The following CAST variants were observed in gnomAD, a reference collection of about 807,000 sequenced individuals.
CAST encodes the protein calpastatin.
In CAST, 76 loss-of-function variants were observed where a neutral mutation model predicts 119.6. The ratio of observed to expected loss-of-function variants is 0.64; its 90% CI spans 0.53 to 0.77. The LOEUF (loss-of-function observed/expected upper bound fraction) is 0.77, where lower values mean the gene tolerates loss of function less well. CAST is among the 30% of genes least tolerant of loss of function. CAST has a pLI of 0.00. For missense variants in CAST, 953 were observed against 946.5 expected (o/e 1.01, Z -0.09); for synonymous variants, 319 against 331.6 (o/e 0.96, Z 0.41).
chr5:96,536,031 G>GTT (rs533558053), intron 1 of CAST, among the ~76,000 whole-genome samples: 107 of 103,848 alleles, frequency 1.0e-3, no homozygotes, highest in African/African-American at 3.9e-3. Context: ...AATATTTAAG[G>GTT]TTTTTTTTTT....
the CAST span, among the ~76,000 whole-genome samples, chr5:96,464,667 T>C: frequency 6.6e-6 from 1 of 152,070 alleles, no homozygotes; most frequent in African/African-American, 2.4e-5. Context: ...AATTTCCTTT[T>C]TCAAATGGCA....
the CAST span, chr5:96,429,238 G>A: frequency 6.3e-7 from 1 of 1,583,298 alleles, no homozygotes; most frequent in Non-Finnish European, 8.7e-7. Context: ...TAATCTCTTA[G>A]TGATATGAAA....
At chr5:96,441,471 G>A in the CAST span, among the ~76,000 whole-genome samples, 2 of 151,818 alleles carry the variant, frequency 1.3e-5, no homozygotes, top group East Asian at 1.9e-4. Flanking sequence ...CGGCTCACAG[G>A]GTGAACTTCA....
At chr5:96,371,457 C>T in the CAST span, among the ~76,000 whole-genome samples, 1 of 152,222 alleles carries the variant, frequency 6.6e-6, no homozygotes, top group Non-Finnish European at 1.5e-5. Flanking sequence ...TGATAGCACA[C>T]TTCCTGCCCT....
the CAST span, among the ~76,000 whole-genome samples, chr5:96,383,551 A>G: frequency 5.3e-5 from 8 of 152,136 alleles, no homozygotes; most frequent in African/African-American, 1.9e-4. Flanking sequence ...GGTTCAAGCA[A>G]TTCTCTGCCT....
chr5:96,697,175 G>GA (rs1243342568), intron 3 of CAST, among the ~76,000 whole-genome samples: 4 of 150,460 alleles, frequency 2.7e-5, no homozygotes, highest in Non-Finnish European at 5.9e-5. Context: ...TCAAAAAAAA[G>GA]AAAAAAAAAG....
chr5:96,502,510 GC>G, the CAST span, among the ~76,000 whole-genome samples: 2 of 151,636 alleles, frequency 1.3e-5, no homozygotes, highest in African/African-American at 4.8e-5. Flanking sequence ...AAAAAACAGT[GC>G]ATGTTCTTTG....
the CAST span, among the ~76,000 whole-genome samples, chr5:96,244,211 C>G: frequency 6.6e-6 from 1 of 152,154 alleles, no homozygotes; most frequent in East Asian, 1.9e-4. Context: ...CCAATAAATT[C>G]ACTCAATAAA....
the CAST span, among the ~76,000 whole-genome samples, chr5:96,336,688 C>A: frequency 5.9e-5 from 9 of 152,230 alleles, no homozygotes; most frequent in African/African-American, 1.9e-4. Context: ...TTCTTTGTCC[C>A]CAAAATGCTT....
chr5:96,462,720 C>G, the CAST span, among the ~76,000 whole-genome samples: 46 of 152,110 alleles, frequency 3.0e-4, no homozygotes, highest in African/African-American at 1.1e-3. Context: ...CCACTAAAAT[C>G]TCATTTCGAA....
the CAST span, among the ~76,000 whole-genome samples, chr5:96,361,085 G>A: frequency 6.6e-5 from 10 of 152,136 alleles, no homozygotes; most frequent in African/African-American, 9.7e-5. Flanking sequence ...GCTGAACTGC[G>A]GTGGGCTCTG....
chr5:96,376,025 A>G, the CAST span, among the ~76,000 whole-genome samples: 3 of 150,824 alleles, frequency 2.0e-5, no homozygotes, highest in South Asian at 6.3e-4. Flanking sequence ...ATCACCCTCT[A>G]ATATCACATG....
At chr5:96,467,747 A>G in the CAST span, among the ~76,000 whole-genome samples, 26,962 of 151,942 alleles carry the variant, frequency 0.18, 3,288 homozygotes, top group Non-Finnish European at 0.27. Flanking sequence ...GTTGGCGTGG[A>G]TGTGGTAACA....
chr5:96,599,207 A>G lies in CAST; in HGVS notation c.60+69327A>G, dbSNP rs114474715. 6.2e-3 allele frequency among the ~76,000 whole-genome samples: 948 copies of G among 152,326 alleles called. 6 individuals are homozygous for G. Among genetic ancestry groups the G allele is most frequent in the Non-Finnish European group, 9.4e-3 (642 of 68,034 alleles). Reference sequence around the variant, plus strand: ...AAGTTGTCAGACAAATGCACAGTGTAAAAAACACAATTTGACTAAGGCCTA... The same window carrying G: ...AAGTTGTCAGACAAATGCACAGTGTGAAAAACACAATTTGACTAAGGCCTA... On this transcript the variant is annotated intron_variant, in intron 1 of 11. Transcript: ENST00000505143.
rs142275392 is a variant in CAST at position 96,574,732 on chromosome 5, A to G, written c.60+44852A>G. 3.2e-3 allele frequency among the ~76,000 whole-genome samples: 492 copies of G among 152,254 alleles called. 2 individuals are homozygous for G. Among genetic ancestry groups the G allele is most frequent in the Middle Eastern group, 0.01 (3 of 294 alleles). ...TTTGAGGCATGAAGTTTTCTTGCCT[A>G]TGTTCATCTTTTTGGATATGGATGT... is the stretch of plus-strand genomic sequence containing the variant. On this transcript the variant is annotated intron_variant, in intron 1 of 11. Transcript: ENST00000505143.
At chr5:95,991,940 T>A in the CAST span, among the ~76,000 whole-genome samples, 1 of 152,192 alleles carries the variant, frequency 6.6e-6, no homozygotes, top group African/African-American at 2.4e-5. Flanking sequence ...TCACTTGTAC[T>A]CCATAAATAT....
At chr5:96,091,678 G>C in the CAST span, among the ~76,000 whole-genome samples, 1 of 151,562 alleles carries the variant, frequency 6.6e-6, no homozygotes, top group South Asian at 2.1e-4. Flanking sequence ...GCTAATTTTT[G>C]TATTTTTAGT....
the CAST span, among the ~76,000 whole-genome samples, chr5:96,165,280 C>A: frequency 6.4e-4 from 97 of 152,122 alleles, no homozygotes; most frequent in Non-Finnish European, 1.2e-3. Flanking sequence ...TTAGCCACAG[C>A]TGAGCTGAGT....
At chr5:96,642,893 C>G (rs1313735158) in intron 1 of CAST, among the ~76,000 whole-genome samples, 1 of 152,108 alleles carries the variant, frequency 6.6e-6, no homozygotes, top group Admixed American at 6.5e-5. Context: ...GTTTCAAAGG[C>G]CTTGCATCTA....
Sources: allele counts gnomAD v4.1 joint callset (sites outside exome capture counted in the v4.1 genomes callset), GRCh38; gene constraint gnomAD v4.1.1; transcripts MANE v1.5; gene names NCBI Gene and HGNC (gene_info 2026-07-23, HGNC 2026-07-21).